The following SPTLC2 variants were observed in gnomAD, a reference collection of about 807,000 sequenced individuals.
SPTLC2 encodes the protein serine palmitoyltransferase long chain base subunit 2, also known as serine palmitoyltransferase 2.
SPTLC2 carries 21 observed loss-of-function variants against 62.0 expected under a neutral mutation model. The observed-to-expected ratio is 0.34, with a 90% CI of 0.24 to 0.49. The LOEUF (loss-of-function observed/expected upper bound fraction) is 0.49. Ranked by LOEUF, SPTLC2 falls within the 20% of genes least tolerant of loss-of-function variation. The probability of loss-of-function intolerance (pLI) is 0.99; values close to 1 mark genes in which losing one functional copy is unlikely to be tolerated. For synonymous variants in SPTLC2, 261 were observed against 261.8 expected, an observed-to-expected ratio of 1.00 and a Z score of 0.03; for missense variants, 511 against 713.0, an observed-to-expected ratio of 0.72 and a Z score of 3.23.
intron 9 of SPTLC2, among the ~76,000 whole-genome samples, chr14:77,540,775 A>G (rs1479333864): frequency 6.6e-6 from 1 of 152,164 alleles, no homozygotes; most frequent in African/African-American, 2.4e-5. Flanking sequence ...CACCCAGCAC[A>G]TTTTATTATT....
chr14:77,588,996 C>CAAAAAAAAAA (rs60536883), intron 2 of SPTLC2, among the ~76,000 whole-genome samples: 2 of 74,622 alleles, frequency 2.7e-5, no homozygotes, highest in African/African-American at 5.9e-5. Context: ...GACCTTGTCT[C>CAAAAAAAAAA]AAAAAAAAAA....
intron 6 of SPTLC2, among the ~76,000 whole-genome samples, chr14:77,557,616 A>C (rs757976664): frequency 1.3e-5 from 2 of 152,254 alleles, no homozygotes; most frequent in Non-Finnish European, 1.5e-5. Flanking sequence ...AAAACTTCAC[A>C]GTGCGTGCTC....
intron 9 of SPTLC2, among the ~76,000 whole-genome samples, chr14:77,525,205 G>C (rs984847548): frequency 2.0e-5 from 3 of 152,146 alleles, no homozygotes; most frequent in African/African-American, 7.2e-5. Flanking sequence ...AGGATCTCTT[G>C]AGTCAGGAGT....
intron 6 of SPTLC2, among the ~76,000 whole-genome samples, chr14:77,558,846 T>C (rs985029248): frequency 3.9e-5 from 6 of 152,034 alleles, no homozygotes; most frequent in Non-Finnish European, 8.8e-5. Flanking sequence ...GGTCTTGAAC[T>C]CCTGACCTCA....
chr14:77,562,553 C>T, intron 5 of SPTLC2, 64 bp from the exon 6 acceptor site: 1 of 1,265,736 alleles, frequency 7.9e-7, no homozygotes, highest in Non-Finnish European at 1.2e-6. Context: ...ACACAAATCA[C>T]AAAATGCCAC....
At position 77,597,186 on chromosome 14, in the gene SPTLC2, C is replaced by T. The variant is rs1455639929; in HGVS notation, c.327G>A (p.Lys109=). Residue 109 remains lysine (K), a splice_region_variant and synonymous_variant, in exon 2 of 12, where the codon AAG becomes AAA. Coordinates refer to ENST00000216484, the MANE Select transcript of SPTLC2 (RefSeq NM_004863.4). ...CHHATEREEQ[K]DFVSLYQDFE... The stretch of plus-strand genomic sequence containing the variant: ...GAATCAAAAACTCTCTAACAGTTAC[C>T]TTTTGTTCTTCTCTTTCTGTTGCAT... 1.2e-6 allele frequency: 2 copies of T among 1,613,762 alleles called. No individual in the cohort carries two copies. The highest frequency in any genetic ancestry group is 2.7e-5 in the African/African-American group (2 of 74,888).
At chr14:77,612,314 T>G (rs1409940162) in intron 1 of SPTLC2, among the ~76,000 whole-genome samples, 1 of 152,248 alleles carries the variant, frequency 6.6e-6, no homozygotes, top group Non-Finnish European at 1.5e-5. Context: ...AGTGGGCAAG[T>G]CTGACTTTTC....
intron 9 of SPTLC2, among the ~76,000 whole-genome samples, chr14:77,550,900 T>C (rs1244396660): frequency 8.2e-6 from 1 of 121,656 alleles, no homozygotes; most frequent in African/African-American, 3.1e-5. Flanking sequence ...CAAGACTCTG[T>C]CTCAAAAACA....
intron 2 of SPTLC2, among the ~76,000 whole-genome samples, chr14:77,587,748 A>G (rs2079790055): frequency 6.9e-6 from 1 of 144,786 alleles, no homozygotes; most frequent in African/African-American, 2.6e-5. Context: ...CAAGAGCAAA[A>G]CTCTGTCTCA....
At chr14:77,533,216 C>T (rs1459122617) in intron 9 of SPTLC2, among the ~76,000 whole-genome samples, 1 of 149,582 alleles carries the variant, frequency 6.7e-6, no homozygotes, top group African/African-American at 2.5e-5. Flanking sequence ...AGAAGAATTG[C>T]TTGAACCCAG....
intron 9 of SPTLC2, among the ~76,000 whole-genome samples, chr14:77,540,205 C>CAAAAAAAAAAAAA (rs34847653): frequency 2.3e-5 from 2 of 87,718 alleles, no homozygotes; most frequent in African/African-American, 4.3e-5. Context: ...ACTCTTGTCT[C>CAAAAAAAAAAAAA]AAAAAAAAAA....
At chr14:77,540,205 CAAAAAAA>C (rs34847653) in intron 9 of SPTLC2, among the ~76,000 whole-genome samples, 7 of 87,692 alleles carry the variant, frequency 8.0e-5, no homozygotes, top group Non-Finnish European at 1.1e-4. Flanking sequence ...ACTCTTGTCT[CAAAAAAA>C]AAAAAAAAAA....
intron 1 of SPTLC2, among the ~76,000 whole-genome samples, chr14:77,599,877 CT>C (rs758705405): frequency 2.0e-5 from 3 of 152,176 alleles, no homozygotes; most frequent in Non-Finnish European, 2.9e-5. Context: ...AATTAACATT[CT>C]GATCATCTCT....
chr14:77,578,983 G>A lies in SPTLC2; in HGVS notation c.454C>T (p.Gln152Ter), dbSNP rs924598098. 6.2e-7 allele frequency: 1 copy of A among 1,613,938 alleles called. No individual in the cohort carries two copies. The highest frequency in any genetic ancestry group is 8.5e-7 in the Non-Finnish European group (1 of 1,180,002). The change falls in exon 3 of 12, where the codon CAG (glutamine) becomes TAG (stop). Residue 152 changes from glutamine to a stop codon, truncating the protein, a stop_gained. Coordinates refer to ENST00000216484, the MANE Select transcript of SPTLC2 (RefSeq NM_004863.4). LOFTEE classifies it high-confidence loss of function. ...AAGGACCAGTTATAATCATGAGACT[G>A]TCTCTCCATGATGTCCACCCTGGCT... Reference protein sequence around the residue: ...PGARVDIMERQSHDYNWSFKY... With the variant: ...PGARVDIMER
At chr14:77,611,575 C>T (rs986680240) in intron 1 of SPTLC2, among the ~76,000 whole-genome samples, 4 of 152,116 alleles carry the variant, frequency 2.6e-5, no homozygotes, top group African/African-American at 9.7e-5. Context: ...CCTGTAATCC[C>T]AGCACTTTGG....
intron 9 of SPTLC2, among the ~76,000 whole-genome samples, chr14:77,548,676 G>C (rs1000392501): frequency 2.0e-5 from 3 of 152,266 alleles, no homozygotes; most frequent in African/African-American, 7.2e-5. Context: ...TGAGATCCTA[G>C]TGAAGTTGCC....
At chr14:77,601,595 G>T (rs893883305) in intron 1 of SPTLC2, among the ~76,000 whole-genome samples, 1 of 152,164 alleles carries the variant, frequency 6.6e-6, no homozygotes, top group Non-Finnish European at 1.5e-5. Flanking sequence ...AAAGACCAGG[G>T]TCAGCGGGAC....
chr14:77,549,560 CACCA>C (rs1188066453), intron 9 of SPTLC2, among the ~76,000 whole-genome samples: 1 of 152,168 alleles, frequency 6.6e-6, no homozygotes, highest in East Asian at 1.9e-4. Context: ...TGATCCCAAC[CACCA>C]ACCATCTCAG....
chr14:77,544,261 C>T (rs1378276652), intron 9 of SPTLC2, among the ~76,000 whole-genome samples: 1 of 152,158 alleles, frequency 6.6e-6, no homozygotes, highest in East Asian at 1.9e-4. Context: ...CCTCCAGCTT[C>T]AGCCTCCCAA....
Sources: allele counts gnomAD v4.1 joint callset (sites outside exome capture counted in the v4.1 genomes callset), GRCh38; gene constraint gnomAD v4.1.1; transcripts MANE v1.5; gene names NCBI Gene and HGNC (gene_info 2026-07-23, HGNC 2026-07-21).